The following XRCC3 variants were observed in gnomAD, a reference collection of about 807,000 sequenced individuals.
XRCC3 encodes the protein X-ray repair cross complementing 3, also known as DNA repair protein XRCC3.
Under a neutral mutation model 29.2 loss-of-function variants are expected in XRCC3, and 34 were observed. That is an observed-to-expected ratio of 1.16 (90% CI 0.88 to 1.55). The LOEUF (loss-of-function observed/expected upper bound fraction) is 1.55. XRCC3 is among the 40% of genes most tolerant of loss of function. XRCC3 has a pLI of 0.00. For missense variants in XRCC3, 463 were observed against 467.6 expected (o/e 0.99, Z 0.09); for synonymous variants, 223 against 211.3 (o/e 1.06, Z -0.48).
intron 7 of XRCC3, chr14:103,701,441 A>G (rs541126019): frequency 8.9e-6 from 4 of 451,968 alleles, no homozygotes; most frequent in African/African-American, 7.9e-5. Context: ...GACCTGGGGC[A>G]TGAGCTGGGC....
Position 103,698,954 on chromosome 14 carries a change from T to G in XRCC3, c.885A>C (p.Arg295Ser). 6.2e-7 allele frequency: 1 copy of G among 1,600,994 alleles called. No homozygotes were observed. The highest frequency in any genetic ancestry group is 8.5e-7 in the Non-Finnish European group (1 of 1,174,004). Residue 295 changes from arginine (R) to serine (S), a missense_variant, in exon 10 of 10, where the codon AGA (arginine) becomes AGC (serine). Coordinates refer to ENST00000555055, the MANE Select transcript of XRCC3 (RefSeq NM_005432.4). ...CCTCGCGGAGCCGGTCAGCCAGCAGTCTCACCAGGAGCTGGTTAGCCCAGG... is the reference window on the plus strand; with the variant it reads ...CCTCGCGGAGCCGGTCAGCCAGCAGGCTCACCAGGAGCTGGTTAGCCCAGG... ...GITWANQLLV[R>S]LLADRLREEE...
chr14:103,713,358 AG>A (rs1362440226), intron 1 of XRCC3: 1 of 152,282 alleles, frequency 6.6e-6, no homozygotes, highest in African/African-American at 2.4e-5. Context: ...CTCCACAGAC[AG>A]CCCGGCACAT....
intron 6 of XRCC3, chr14:103,704,400 T>A (rs1406275518): frequency 6.6e-6 from 1 of 152,006 alleles, no homozygotes; most frequent in Non-Finnish European, 1.5e-5. Context: ...CCACTGAATT[T>A]ATTTATTTTA....
intron 4 of XRCC3, chr14:103,709,255 C>T (rs1287053583): frequency 3.4e-5 from 6 of 176,758 alleles, no homozygotes. Context: ...TCCCCAGGAC[C>T]TGCCATCTGG....
intron 5 of XRCC3, chr14:103,707,441 C>T: frequency 1.6e-6 from 1 of 613,302 alleles, no homozygotes; most frequent in African/African-American, 1.8e-5. Flanking sequence ...GGGCCACCAT[C>T]ACATGCCCGC....
At chr14:103,702,988 C>T in intron 7 of XRCC3, 185 bp downstream of exon 7, 1 of 871,264 alleles carries the variant, frequency 1.1e-6, no homozygotes, top group Non-Finnish European at 1.7e-6. Context: ...TCCTCTCAGT[C>T]ACTCTCCATC....
chr14:103,703,428 G>T lies in XRCC3; in HGVS notation c.407-101C>A. On this transcript the variant is annotated intron_variant, in intron 6 of 9. Coordinates refer to ENST00000555055, the MANE Select transcript of XRCC3 (RefSeq NM_005432.4). ...TGTCTCCCGCCATTTCTAACTCTCT[G>T]CCCCTCACAGGTTCTTTGCCCCTCG... The T allele has an allele frequency of 3.0e-6, 4 of 1,354,026 alleles. No homozygotes were observed. The South Asian group carries it at 3.8e-5, about 13-fold the overall frequency. The allele number at this position is 1,354,026 out of a possible 1,614,324, so 83.9% of individuals were successfully genotyped here.
Position 103,707,065 on chromosome 14 carries a change from T to G in XRCC3, c.344A>C (p.Gln115Pro). ...AGCCAGGCAGAGCTGCAGCGCCAGC[T>G]GGGTCTTCCCTGCCGAGCTGCGTCC... The part of the protein sequence containing the change: ...LAGRSSAGKT[Q>P]LALQLCLAVQ... Residue 115 changes from glutamine to proline, a missense_variant, in exon 6 of 10, where the codon CAG becomes CCG. Physicochemically the swap from Gln to Pro is moderately conservative, Grantham distance 76. Transcript: ENST00000555055. 1 of 1,563,578 alleles carries G rather than the reference T, an allele frequency of 6.4e-7. No homozygotes were observed. The highest frequency in any genetic ancestry group is 1.7e-4 in the Middle Eastern group (1 of 5,786).
At chr14:103,706,262 G>A (rs941959624) in intron 6 of XRCC3, 6 of 454,276 alleles carry the variant, frequency 1.3e-5, no homozygotes, top group East Asian at 7.0e-5. Context: ...GGTCAGGCCC[G>A]TGAGGAGGTG....
At chr14:103,699,981 G>A (rs947820818) in intron 7 of XRCC3, 16 of 319,504 alleles carry the variant, frequency 5.0e-5, no homozygotes, top group East Asian at 1.6e-4. Context: ...CAGTGGCCCC[G>A]CACCAGGTAC....
chr14:103,713,870 C>T (rs2083713359), intron 1 of XRCC3: 1 of 152,206 alleles, frequency 6.6e-6, no homozygotes, highest in African/African-American at 2.4e-5. Flanking sequence ...AGTTACTGAC[C>T]CTGACTGCTG....
At chr14:103,706,966 C>T (rs1567058617) in intron 6 of XRCC3, 37 bp downstream of exon 6, 2 of 1,535,058 alleles carry the variant, frequency 1.3e-6, no homozygotes, top group Non-Finnish European at 8.7e-7. Context: ...AGGGGCCGCC[C>T]ACCTGCCCAG....
rs573015166 is a variant in XRCC3 at position 103,712,606 on chromosome 14, G to C, written c.-261+269C>G. ...CCTGGTAGGGGACCCCACACCCGAG[G>C]TACCACCCAAAACACAGCCCAGATC... On this transcript the variant is annotated intron_variant, in intron 2 of 9. Transcript: ENST00000555055. The C allele has an allele frequency of 3.3e-5, 5 of 152,636 alleles. No homozygotes were observed. The South Asian group carries it at 1.0e-3, about 32-fold the overall frequency. The allele number at this position is 152,636 out of a possible 1,614,324, so 9.5% of individuals were successfully genotyped here.
intron 5 of XRCC3, chr14:103,708,166 G>A (rs955692498): frequency 4.8e-5 from 18 of 377,778 alleles, no homozygotes; most frequent in Non-Finnish European, 8.1e-5. Flanking sequence ...CGTGGTGGTG[G>A]GACCGTGGCC....
intron 7 of XRCC3, chr14:103,702,968 C>A: frequency 1.3e-6 from 1 of 756,954 alleles, no homozygotes; most frequent in Non-Finnish European, 2.1e-6. Context: ...GAATTCCCTC[C>A]CCTGCCAGTT....
In XRCC3 at chr14:103,698,585, C is replaced by A; in HGVS notation, c.*213G>T. On this transcript the variant is annotated 3_prime_UTR_variant, in exon 10 of 10. Transcript: ENST00000555055. ...GGTACCCAGCAAGCGGGCCTGTCCC[C>A]AGACCCAGGGAGAGGCAGAACATCC... is the stretch of plus-strand genomic sequence containing the variant. The A allele has an allele frequency of 1.7e-6, 1 of 603,714 alleles. No homozygotes were observed. The highest frequency in any genetic ancestry group is 2.8e-5 in the East Asian group (1 of 35,452). 37.4% of individuals were successfully genotyped at this position (603,714 alleles called of 1,614,324 possible).
At chr14:103,701,203 A>AC (rs1349033410) in intron 7 of XRCC3, 2 of 1,550,158 alleles carry the variant, frequency 1.3e-6, no homozygotes, top group African/African-American at 1.4e-5. Context: ...TCTTGCAGTG[A>AC]CCCCGACCTG....
At chr14:103,703,393 C>T (rs56036704) in intron 6 of XRCC3, 66 bp from the exon 7 acceptor site, 6 of 1,492,510 alleles carry the variant, frequency 4.0e-6, no homozygotes, top group Non-Finnish European at 4.5e-6. Context: ...CCACACAAAT[C>T]AAGTGCAGAT....
At chr14:103,713,897 A>G (rs562534474) in intron 1 of XRCC3, 2 of 152,284 alleles carry the variant, frequency 1.3e-5, no homozygotes, top group Non-Finnish European at 2.9e-5. Context: ...AAAAACAGAC[A>G]TCAGCTTGAA....
Sources: allele counts gnomAD v4.1 joint callset, GRCh38; gene constraint gnomAD v4.1.1; transcripts MANE v1.5; gene names NCBI Gene and HGNC (gene_info 2026-07-23, HGNC 2026-07-21).